SCUBE3: variants seen among roughly 807,000 people sequenced by gnomAD.
SCUBE3 encodes signal peptide, CUB and EGF-like domain-containing protein 3.
Under a neutral mutation model 116.8 loss-of-function variants are expected in SCUBE3, and 33 were observed. The observed-to-expected ratio is 0.28, with a 90% CI of 0.21 to 0.38. The LOEUF is 0.38. Ranked by LOEUF, SCUBE3 falls within the 10% of genes least tolerant of loss-of-function variation. SCUBE3 has a pLI of 1.00. For synonymous variants in SCUBE3, 418 were observed against 496.9 expected (o/e 0.84, Z 2.11); for missense variants, 1,007 against 1,324.8 (o/e 0.76, Z 3.72).
At chr6:35,222,737 T>C (rs144026480) in intron 1 of SCUBE3, 55 of 152,212 alleles carry the variant, frequency 3.6e-4, no homozygotes, top group African/African-American at 1.3e-3. Flanking sequence ...CCAGCACAGG[T>C]AGAGTAAGCA....
At chr6:35,237,244 T>C (rs1480799288) in intron 6 of SCUBE3, among the ~76,000 whole-genome samples, 1 of 152,140 alleles carries the variant, frequency 6.6e-6, no homozygotes, top group Admixed American at 6.5e-5. Context: ...CTTATCTCCA[T>C]CTAGAACTAA....
intron 7 of SCUBE3, among the ~76,000 whole-genome samples, chr6:35,238,842 G>A (rs1055698518): frequency 6.6e-6 from 1 of 152,162 alleles, no homozygotes; most frequent in African/African-American, 2.4e-5. Flanking sequence ...GAGTGGGGAC[G>A]AGGAGGACTG....
rs1318686668 is a variant in SCUBE3, at chr6:35,235,083, G to A, written c.712+1782G>A. ...CAGATTCGGTGGGAAGACTGAGAAG[G>A]CAGTATAGTTTAGCAGAAAGGGCGG... On this transcript the variant is annotated intron_variant, in intron 6 of 21. Coordinates refer to ENST00000274938, the MANE Select transcript of SCUBE3 (RefSeq NM_152753.4). The surrounding 1 kb of genome is among the most constrained non-coding windows in gnomAD (Gnocchi z 4.5). 6.6e-6 allele frequency among the ~76,000 whole-genome samples: 1 copy of A among 152,204 alleles called. No homozygotes were observed. Among genetic ancestry groups the A allele is most frequent in the Non-Finnish European group, 1.5e-5 (1 of 68,036 alleles).
chr6:35,237,760 C>G (rs1783838830), intron 6 of SCUBE3, 142 bp from the exon 7 acceptor site: 1 of 615,010 alleles, frequency 1.6e-6, no homozygotes, highest in Non-Finnish European at 3.0e-6. Context: ...CTGGGAGCCT[C>G]CCTTGGCTTA....
chr6:35,246,699 C>T (rs550104093), intron 21 of SCUBE3, among the ~76,000 whole-genome samples: 728 of 152,322 alleles, frequency 4.8e-3, no homozygotes, highest in Non-Finnish European at 7.7e-3. Flanking sequence ...AGATAGGCTG[C>T]GTGTGGTGGT....
chr6:35,225,781 G>C (rs1783299316), intron 1 of SCUBE3, among the ~76,000 whole-genome samples: 1 of 152,116 alleles, frequency 6.6e-6, no homozygotes, highest in Non-Finnish European at 1.5e-5. Flanking sequence ...AGAGAATACT[G>C]GTCCATGCAT....
In SCUBE3 at chr6:35,241,156, GCAT is replaced by G. The variant is rs1554182218; in HGVS notation, c.1088_1090del (p.Ile363del). On this transcript the variant is annotated inframe_deletion, in exon 10 of 22. Transcript: ENST00000274938. The surrounding 1 kb of genome is among the most constrained non-coding windows in gnomAD (Gnocchi z 4.1). ...CTTCCCCCAGATGTGGATGAATGCA[GCAT>G]CAACCGGGGAGGTTGCCGCTTTGGC... 6.3e-7 allele frequency: 1 copy of G among 1,599,250 alleles called. No individual in the cohort carries two copies. The highest frequency in any genetic ancestry group is 8.6e-7 in the Non-Finnish European group (1 of 1,167,984).
chr6:35,235,516 C>T lies in SCUBE3; in HGVS notation c.712+2215C>T, dbSNP rs371478372. The T allele has an allele frequency of 8.0e-7, 1 of 1,252,248 alleles. No homozygotes were observed. Among genetic ancestry groups the T allele is most frequent in the Admixed American group, 2.3e-5 (1 of 43,512 alleles). The allele number at this position is 1,252,248 out of a possible 1,614,324, so 77.6% of individuals were successfully genotyped here. A position where few individuals can be genotyped will look rare whatever the true frequency, so the allele number is the denominator to read the frequency against. On this transcript the variant is annotated intron_variant, in intron 6 of 21. Coordinates refer to ENST00000274938, the MANE Select transcript of SCUBE3 (RefSeq NM_152753.4). This position sits in a 1 kb window ranked among gnomAD's most constrained non-coding sequence, Gnocchi z 4.5. ...ATGGTAAATATGTCTGCTCTCTCCG[C>T]TTGCTCTCACTGGCTTGCTAGGGGA...
At chr6:35,247,552 A>G (rs1186093466) in intron 21 of SCUBE3, among the ~76,000 whole-genome samples, 1 of 152,236 alleles carries the variant, frequency 6.6e-6, no homozygotes, top group Middle Eastern at 3.2e-3. Flanking sequence ...ATCAAAATAA[A>G]AGCCTTGACA....
At chr6:35,242,145 C>T (rs1452189155) in intron 12 of SCUBE3, 59 bp from the exon 13 acceptor site, 58 of 1,271,088 alleles carry the variant, frequency 4.6e-5, no homozygotes, top group South Asian at 2.8e-4. Context: ...ACAACCCCTA[C>T]GGCACCCCCG....
intron 1 of SCUBE3, among the ~76,000 whole-genome samples, chr6:35,218,500 C>T (rs1783009618): frequency 6.6e-6 from 1 of 152,160 alleles, no homozygotes; most frequent in Non-Finnish European, 1.5e-5. Context: ...TGTGGGCCTC[C>T]TTTGACATCC....
intron 1 of SCUBE3, among the ~76,000 whole-genome samples, chr6:35,226,180 C>T (rs541952799): frequency 6.6e-6 from 1 of 152,154 alleles, no homozygotes; most frequent in Non-Finnish European, 1.5e-5. Flanking sequence ...GCTATCTGAC[C>T]AGAATCTCTG....
chr6:35,216,204 T>C (rs1032847715), intron 1 of SCUBE3, among the ~76,000 whole-genome samples: 6 of 152,164 alleles, frequency 3.9e-5, no homozygotes, highest in Non-Finnish European at 5.9e-5. Context: ...GGCACTCAAG[T>C]ATGGGAGATC....
At position 35,233,695 on chromosome 6, in the gene SCUBE3, A is replaced by G. The variant is rs1783642604; in HGVS notation, c.712+394A>G. Among the ~76,000 whole-genome samples the G allele has an allele frequency of 6.6e-6, 1 of 152,208 alleles. No homozygotes were observed. The highest frequency in any genetic ancestry group is 1.5e-5 in the Non-Finnish European group (1 of 68,028). On this transcript the variant is annotated intron_variant, in intron 6 of 21. Transcript: ENST00000274938. This position sits in a 1 kb window ranked among gnomAD's most constrained non-coding sequence, Gnocchi z 5.7. Reference sequence around the variant, plus strand: ...CAGAGGCCCTTGGTTGACTAGTGTGATAACAGAGGAATTATCAAAGCCCAG... The same window carrying G: ...CAGAGGCCCTTGGTTGACTAGTGTGGTAACAGAGGAATTATCAAAGCCCAG...
chr6:35,246,150 C>T (rs1383265109), intron 20 of SCUBE3, 54 bp downstream of exon 20: 22 of 1,612,078 alleles, frequency 1.4e-5, no homozygotes, highest in Non-Finnish European at 1.8e-5. Context: ...GAGAGGGAAC[C>T]AGGAGAGCAG....
Position 35,240,409 on chromosome 6 carries a change from C to A in SCUBE3, c.988C>A (p.His330Asn). Residue 330 changes from histidine (H) to asparagine (N), a missense_variant, in exon 9 of 22, where the codon CAC becomes AAC. His to Asn is a moderately conservative substitution (Grantham distance 68). This residue lies in a region of SCUBE3 where 214 missense variants were observed against 316.7 expected (regional missense o/e 0.68). Transcript: ENST00000274938. The surrounding 1 kb of genome is among the most constrained non-coding windows in gnomAD (Gnocchi z 4.6). ...DECSFDRTCD[H>N]ICVNTPGSFQ... ...GTGTTCCTTTGATCGAACCTGTGAC[C>A]ACATATGTGTCAACACACCAGGAAG... 1 of 1,607,946 alleles carries A rather than the reference C, an allele frequency of 6.2e-7. No individual in the cohort carries two copies. Among genetic ancestry groups the A allele is most frequent in the Non-Finnish European group, 8.5e-7 (1 of 1,176,706 alleles).
At position 35,244,256 on chromosome 6, in the gene SCUBE3, G is replaced by C. The variant is rs1784230973; in HGVS notation, c.2239+126G>C. The C allele has an allele frequency of 2.5e-6, 2 of 801,924 alleles. No homozygotes were observed. Among genetic ancestry groups the C allele is most frequent in the Non-Finnish European group, 3.9e-6 (2 of 507,282 alleles). 49.7% of individuals were successfully genotyped at this position (801,924 alleles called of 1,614,324 possible). On this transcript the variant is annotated intron_variant, in intron 17 of 21. Transcript: ENST00000274938. The surrounding 1 kb of genome is among the most constrained non-coding windows in gnomAD (Gnocchi z 4.3). ...AAACCAGTAATGGGCCCAGCTACTTGACCAACCATACCATCCTGCTTCCAG... is the reference window on the plus strand; with the variant it reads ...AAACCAGTAATGGGCCCAGCTACTTCACCAACCATACCATCCTGCTTCCAG...
intron 1 of SCUBE3, chr6:35,223,701 T>G (rs1783201162): frequency 6.6e-6 from 1 of 152,212 alleles, no homozygotes; most frequent in South Asian, 2.1e-4. Flanking sequence ...AGTAAGCACC[T>G]GCATCCTGAG....
chr6:35,225,587 C>T (rs914976251), intron 1 of SCUBE3, among the ~76,000 whole-genome samples: 1 of 152,142 alleles, frequency 6.6e-6, no homozygotes, highest in Non-Finnish European at 1.5e-5. Flanking sequence ...TTAGAATCAA[C>T]TGGTATGATG....
Sources: allele counts gnomAD v4.1 joint callset (sites outside exome capture counted in the v4.1 genomes callset), GRCh38; gene constraint gnomAD v4.1.1; regional missense constraint gnomAD v4.1.1; non-coding constraint Gnocchi (gnomAD v3.1); transcripts MANE v1.5; gene names NCBI Gene and HGNC (gene_info 2026-07-23, HGNC 2026-07-21).